The following IL1RAPL2 variants were observed in gnomAD, a reference collection of about 807,000 sequenced individuals.
IL1RAPL2 encodes interleukin 1 receptor accessory protein like 2.
A neutral mutation model predicts 44.1 loss-of-function variants in IL1RAPL2; 3 were observed. The ratio of observed to expected loss-of-function variants is 0.07; its 90% confidence interval spans 0.03 to 0.18. IL1RAPL2 has a LOEUF of 0.18. IL1RAPL2 is among the 10% of genes least tolerant of loss of function. The pLI is 1.00. For missense variants in IL1RAPL2, 391 were observed against 496.4 expected, an observed-to-expected ratio of 0.79 and a Z score of 2.02; for synonymous variants, 181 against 178.8, an observed-to-expected ratio of 1.01 and a Z score of -0.10.
chrX:105,190,471 C>T (rs2033624037), intron 2 of IL1RAPL2, among the ~76,000 whole-genome samples: 1 of 112,251 alleles, frequency 8.9e-6, no homozygotes, highest in Admixed American at 9.4e-5. Flanking sequence ...CCAACAATTG[C>T]CCTTTTAGCT....
intron 6 of IL1RAPL2, among the ~76,000 whole-genome samples, chrX:105,653,862 GA>G (rs1357050650): frequency 1.8e-5 from 2 of 111,255 alleles, no homozygotes; most frequent in Non-Finnish European, 3.8e-5. Flanking sequence ...GAGGATCAGT[GA>G]GGAGGCTGAG....
intron 1 of IL1RAPL2, among the ~76,000 whole-genome samples, chrX:104,590,071 G>A (rs1928634814): frequency 9.0e-6 from 1 of 111,563 alleles, no homozygotes; most frequent in Non-Finnish European, 1.9e-5. Context: ...TTGAGACAGA[G>A]TCTTACTCTG....
chrX:105,131,282 T>TAAA (rs2033023933), intron 2 of IL1RAPL2, among the ~76,000 whole-genome samples: 1 of 110,387 alleles, frequency 9.1e-6, no homozygotes, highest in Admixed American at 9.7e-5. Context: ...TACATCGGGG[T>TAAA]TAGCAAACTT....
At chrX:104,764,292 T>C (rs1037335946) in intron 2 of IL1RAPL2, among the ~76,000 whole-genome samples, 1 of 111,587 alleles carries the variant, frequency 9.0e-6, no homozygotes, top group Non-Finnish European at 1.9e-5. Flanking sequence ...GGTTAATTTC[T>C]AGGTATTTAA....
At chrX:105,049,471 G>A (rs771375668) in intron 2 of IL1RAPL2, among the ~76,000 whole-genome samples, 1 of 111,435 alleles carries the variant, frequency 9.0e-6, no homozygotes, top group East Asian at 2.8e-4. Context: ...GGCCTGTTCA[G>A]TGCTGAGGGA....
chrX:104,663,235 C>T (rs759877885), intron 2 of IL1RAPL2, among the ~76,000 whole-genome samples: 3 of 111,227 alleles, frequency 2.7e-5, no homozygotes. Flanking sequence ...TAACTGAGGA[C>T]GACCATAAAG....
At chrX:105,012,991 T>A in intron 2 of IL1RAPL2, among the ~76,000 whole-genome samples, 1 of 110,936 alleles carries the variant, frequency 9.0e-6, no homozygotes, top group East Asian at 2.9e-4. Context: ...GCCAGGTAAC[T>A]TTCTTCATCC....
At chrX:104,916,674 T>G (rs751337898) in intron 2 of IL1RAPL2, among the ~76,000 whole-genome samples, 1 of 111,734 alleles carries the variant, frequency 8.9e-6, no homozygotes, top group Non-Finnish European at 1.9e-5. Flanking sequence ...CTTCCAGTTT[T>G]TGCCCATTCA....
At chrX:105,176,486 C>T (rs1044210830) in intron 2 of IL1RAPL2, among the ~76,000 whole-genome samples, 36 of 110,698 alleles carry the variant, frequency 3.3e-4, no homozygotes, top group Non-Finnish European at 6.1e-4. Flanking sequence ...GTCCTGGCCC[C>T]GAGAAGCTTT....
At chrX:104,641,309 G>A (rs1334991740) in intron 1 of IL1RAPL2, among the ~76,000 whole-genome samples, 3 of 111,326 alleles carry the variant, frequency 2.7e-5, no homozygotes, top group Non-Finnish European at 5.7e-5. Flanking sequence ...TACGTACTCT[G>A]CCTTGGGGTT....
chrX:104,870,954 C>G (rs1279368328), intron 2 of IL1RAPL2, among the ~76,000 whole-genome samples: 1 of 111,007 alleles, frequency 9.0e-6, no homozygotes, highest in Non-Finnish European at 1.9e-5. Flanking sequence ...TGAAAATGTT[C>G]TAACTGTAAA....
chrX:104,876,247 G>T (rs1303833232), intron 2 of IL1RAPL2, among the ~76,000 whole-genome samples: 3 of 111,451 alleles, frequency 2.7e-5, no homozygotes, highest in Non-Finnish European at 5.6e-5. Context: ...GCTGCCTTAA[G>T]CCTCTTTCAC....
intron 2 of IL1RAPL2, among the ~76,000 whole-genome samples, chrX:105,120,182 G>A (rs1191985293): frequency 1.9e-5 from 2 of 106,579 alleles, no homozygotes; most frequent in African/African-American, 6.9e-5. Flanking sequence ...TGAAGAAAAA[G>A]GAAAATTCAT....
intron 6 of IL1RAPL2, among the ~76,000 whole-genome samples, chrX:105,692,298 A>G (rs1157568145): frequency 8.9e-6 from 1 of 112,083 alleles, no homozygotes; most frequent in Non-Finnish European, 1.9e-5. Flanking sequence ...TTACAGGCAA[A>G]TAAACGAAGA....
chrX:105,744,264 T>C lies in IL1RAPL2; in HGVS notation c.1048+3573T>C, dbSNP rs531994852. 8.0e-5 allele frequency among the ~76,000 whole-genome samples: 9 copies of C among 112,155 alleles called. No individual in the cohort carries two copies. The South Asian group carries it at 3.3e-3, about 42-fold the overall frequency. On this transcript the variant is annotated intron_variant, in intron 8 of 10. Transcript: ENST00000372582. ...CTCTCCGTTCTAGGTAGCAGTTAAATGATTTCATTGTGCTTTACAAAAGTA... is the reference window on the plus strand; with the variant it reads ...CTCTCCGTTCTAGGTAGCAGTTAAACGATTTCATTGTGCTTTACAAAAGTA...
intron 2 of IL1RAPL2, among the ~76,000 whole-genome samples, chrX:105,005,666 T>C (rs2030929368): frequency 9.0e-6 from 1 of 110,761 alleles, no homozygotes; most frequent in South Asian, 3.8e-4. Context: ...GTTCACCATG[T>C]ATTTCCAAGT....
In IL1RAPL2 at chrX:105,406,573, G is replaced by A. The variant is rs112070266; in HGVS notation, c.698-77740G>A. 1.6e-4 allele frequency: 186 copies of A among 1,191,648 alleles called. No homozygotes were observed. The African/African-American group carries it at 2.4e-3, about 15-fold the overall frequency. On this transcript the variant is annotated intron_variant, in intron 5 of 10. Transcript: ENST00000372582. ...AACTTCAGTGGTGCTGATCTTTCTC[G>A]TTTGGACCTTCGATACATTAACTTC...
Position 105,394,820 on chromosome X carries a change from G to T in IL1RAPL2, c.698-89493G>T, listed in dbSNP as rs1253287294. Among the ~76,000 whole-genome samples the T allele has an allele frequency of 3.6e-5, 4 of 110,535 alleles. No individual in the cohort carries two copies. In the East Asian group the frequency reaches 1.1e-3, roughly 31 times the overall value. On this transcript the variant is annotated intron_variant, in intron 5 of 10. Transcript: ENST00000372582. ...TCCTACATCCAAGATTTTGCTCTTGGTATTGCTCTGACATGTGATGTTTTT... is the reference window on the plus strand; with the variant it reads ...TCCTACATCCAAGATTTTGCTCTTGTTATTGCTCTGACATGTGATGTTTTT...
intron 5 of IL1RAPL2, among the ~76,000 whole-genome samples, chrX:105,351,064 C>A (rs372195191): frequency 1.8e-3 from 197 of 111,676 alleles, no homozygotes; most frequent in African/African-American, 6.1e-3. Context: ...AAATCAAAAC[C>A]AAAATGAGAT....
Sources: allele counts gnomAD v4.1 joint callset (sites outside exome capture counted in the v4.1 genomes callset), GRCh38; gene constraint gnomAD v4.1.1; transcripts MANE v1.5; gene names NCBI Gene and HGNC (gene_info 2026-07-23, HGNC 2026-07-21).